Variants in TYW1B observed in about 807,000 individuals in gnomAD.
The protein encoded by TYW1B is S-adenosyl-L-methionine-dependent tRNA 4-demethylwyosine synthase TYW1B.
A neutral mutation model predicts 86.9 loss-of-function variants in TYW1B; 73 were observed. The ratio of observed to expected loss-of-function variants is 0.84; its 90% CI spans 0.70 to 1.02. The LOEUF is 1.02. Among genes scored for constraint, TYW1B ranks in the 50% least tolerant of loss-of-function variants. TYW1B has a pLI of 0.00. For missense variants in TYW1B, 637 were observed against 827.4 expected (o/e 0.77, Z 2.82); for synonymous variants, 248 against 292.8 (o/e 0.85, Z 1.56).
chr7:72,597,584 C>T (rs1314086327), intron 13 of TYW1B, among the ~76,000 whole-genome samples: 2 of 151,758 alleles, frequency 1.3e-5, no homozygotes, highest in Non-Finnish European at 2.9e-5. Context: ...ACCCTGAACG[C>T]ACCCGATCTC....
intron 7 of TYW1B, among the ~76,000 whole-genome samples, chr7:72,749,191 T>G (rs1554464409): frequency 6.6e-6 from 1 of 152,216 alleles, no homozygotes; most frequent in East Asian, 1.9e-4. Context: ...TTCACCTAAG[T>G]TGCCAAATTT....
At chr7:72,603,405 G>T (rs1201453510) in intron 13 of TYW1B, among the ~76,000 whole-genome samples, 1 of 152,144 alleles carries the variant, frequency 6.6e-6, no homozygotes, top group Non-Finnish European at 1.5e-5. Context: ...ACAGAAGGAT[G>T]GAAAGACAGA....
rs1554475964 is a variant in TYW1B at position 72,802,472 on chromosome 7, G to A, written c.774C>T (p.Asp258=). The change falls in exon 6 of 14, where the codon GAC becomes GAT. Residue 258 remains aspartate, a synonymous_variant. Coordinates refer to ENST00000620995, the MANE Select transcript of TYW1B (RefSeq NM_001145440.3). ...CAACAATGGAATTTAGGCTCTGATGGTCCTCACCACCAAACTCTTCTTCAC... is the reference window on the plus strand; with the variant it reads ...CAACAATGGAATTTAGGCTCTGATGATCCTCACCACCAAACTCTTCTTCAC... ...SSSEEEFGGE[D]HQSLNSIVDV... 4 of 1,613,822 alleles carry A rather than the reference G, an allele frequency of 2.5e-6. No individual in the cohort carries two copies. Among genetic ancestry groups the A allele is most frequent in the Non-Finnish European group, 3.4e-6 (4 of 1,179,844 alleles).
chr7:72,788,226 A>G (rs13233878), intron 6 of TYW1B, among the ~76,000 whole-genome samples: 104,275 of 151,856 alleles, frequency 0.69, 36,736 homozygotes, highest in Non-Finnish European at 0.77. Flanking sequence ...TGATCTGCCC[A>G]TCTCAGCCTC....
intron 9 of TYW1B, among the ~76,000 whole-genome samples, chr7:72,718,861 G>A (rs2129570816): frequency 6.6e-6 from 1 of 152,234 alleles, no homozygotes; most frequent in South Asian, 2.1e-4. Context: ...AAAGTGGAAG[G>A]AGCATCGGCT....
At chr7:72,703,851 T>G (rs1172221563) in intron 10 of TYW1B, among the ~76,000 whole-genome samples, 7 of 147,372 alleles carry the variant, frequency 4.7e-5, no homozygotes, top group African/African-American at 1.7e-4. Flanking sequence ...TGAGACCCTG[T>G]CTCAAAAAAA....
intron 7 of TYW1B, among the ~76,000 whole-genome samples, chr7:72,773,298 G>A (rs1416477635): frequency 6.6e-6 from 1 of 152,166 alleles, no homozygotes; most frequent in Non-Finnish European, 1.5e-5. Context: ...CCAAGATGGA[G>A]TAACAGAGAG....
chr7:72,715,714 C>T (rs1439860519), intron 9 of TYW1B, among the ~76,000 whole-genome samples: 6 of 151,526 alleles, frequency 4.0e-5, no homozygotes, highest in Non-Finnish European at 5.9e-5. Flanking sequence ...ATGTAACAAA[C>T]CTGCACTTGT....
chr7:72,731,413 A>AAAG (rs1335804627), intron 8 of TYW1B, among the ~76,000 whole-genome samples: 3 of 150,786 alleles, frequency 2.0e-5, no homozygotes, highest in African/African-American at 7.3e-5. Flanking sequence ...AAAAAAAAAA[A>AAAG]AACAAGAGAG....
At chr7:72,727,972 T>C (rs1554459067) in intron 9 of TYW1B, among the ~76,000 whole-genome samples, 1 of 152,128 alleles carries the variant, frequency 6.6e-6, no homozygotes. Context: ...TCCAGTGAAG[T>C]CAATATTTGT....
At chr7:72,749,191 T>C (rs1554464409) in intron 7 of TYW1B, among the ~76,000 whole-genome samples, 2 of 152,216 alleles carry the variant, frequency 1.3e-5, no homozygotes, top group Non-Finnish European at 2.9e-5. Flanking sequence ...TTCACCTAAG[T>C]TGCCAAATTT....
chr7:72,761,895 C>A (rs1351941904), intron 7 of TYW1B, among the ~76,000 whole-genome samples: 1 of 151,000 alleles, frequency 6.6e-6, no homozygotes, highest in Non-Finnish European at 1.5e-5. Flanking sequence ...CCCAGCACAT[C>A]AACAATGATC....
intron 11 of TYW1B, among the ~76,000 whole-genome samples, chr7:72,632,475 A>AAT (rs1313773210): frequency 1.5e-5 from 2 of 130,410 alleles, no homozygotes; most frequent in South Asian, 2.2e-4. Context: ...ATATATATAA[A>AAT]ATATATATAT....
intron 6 of TYW1B, among the ~76,000 whole-genome samples, chr7:72,779,614 G>C (rs1166869911): frequency 1.3e-5 from 2 of 151,290 alleles, no homozygotes; most frequent in Non-Finnish European, 2.9e-5. Context: ...CTACCAGGGA[G>C]GCTGAGGCAG....
chr7:72,728,714 A>G, intron 9 of TYW1B, 108 bp downstream of exon 9: 1 of 1,098,000 alleles, frequency 9.1e-7, no homozygotes, highest in Non-Finnish European at 1.3e-6. Flanking sequence ...TCCTTAGAGG[A>G]AAATTTGCCA....
intron 13 of TYW1B, among the ~76,000 whole-genome samples, chr7:72,581,275 C>T (rs1811144107): frequency 7.0e-6 from 1 of 142,262 alleles, no homozygotes; most frequent in Non-Finnish European, 1.5e-5. Flanking sequence ...TATTTCCTTT[C>T]CTGTTTCTGG....
At chr7:72,674,314 T>C (rs1461393396) in intron 11 of TYW1B, among the ~76,000 whole-genome samples, 1 of 152,094 alleles carries the variant, frequency 6.6e-6, no homozygotes, top group African/African-American at 2.4e-5. Flanking sequence ...GGTGTGACAT[T>C]GTGGGCCTCT....
chr7:72,688,890 C>A (rs1256001051), intron 11 of TYW1B, among the ~76,000 whole-genome samples: 2 of 152,202 alleles, frequency 1.3e-5, no homozygotes, highest in African/African-American at 2.4e-5. Context: ...AGCCAGCTTG[C>A]AGACACTGGC....
Position 72,807,240 on chromosome 7 carries a change from G to C in TYW1B, c.549C>G (p.Phe183Leu). ...KSKHGSIEANFRAWKTKFISQ... is the reference protein window; with the variant it reads ...KSKHGSIEANLRAWKTKFISQ... ...AGATGAACTTGGTCTTCCATGCTCTGAAGTTGGCCTCAATGCTGCCGTGCT... is the reference window on the plus strand; with the variant it reads ...AGATGAACTTGGTCTTCCATGCTCTCAAGTTGGCCTCAATGCTGCCGTGCT... Residue 183 changes from phenylalanine (F) to leucine (L), a missense_variant, in exon 5 of 14, where the codon TTC (phenylalanine) becomes TTG (leucine). By Grantham distance (22) the Phe-to-Leu change is conservative. Coordinates refer to ENST00000620995, the MANE Select transcript of TYW1B (RefSeq NM_001145440.3). The C allele has an allele frequency of 6.2e-7, 1 of 1,614,148 alleles. No homozygotes were observed. Among genetic ancestry groups the C allele is most frequent in the African/African-American group, 1.3e-5 (1 of 75,044 alleles).
Sources: allele counts gnomAD v4.1 joint callset (sites outside exome capture counted in the v4.1 genomes callset), GRCh38; gene constraint gnomAD v4.1.1; transcripts MANE v1.5; gene names NCBI Gene and HGNC (gene_info 2026-07-23, HGNC 2026-07-21).